Variants in TUSC3 observed in about 807,000 individuals in gnomAD.
TUSC3 encodes tumor suppressor candidate 3.
Under a neutral mutation model 44.8 loss-of-function variants are expected in TUSC3, and 45 were observed. The observed-to-expected ratio is 1.00, with a 90% confidence interval of 0.79 to 1.29. The LOEUF is 1.29. Among genes scored for constraint, TUSC3 ranks in the 50% most tolerant of loss-of-function variants. The pLI, the probability that TUSC3 is intolerant of heterozygous loss-of-function variation, is 0.00. For missense variants in TUSC3, 519 were observed against 437.9 expected, an observed-to-expected ratio of 1.19 and a Z score of -1.65; for synonymous variants, 212 against 152.9, an observed-to-expected ratio of 1.39 and a Z score of -2.85.
chr8:15,695,437 G>A (rs1271557620), intron 6 of TUSC3, among the ~76,000 whole-genome samples: 3 of 152,164 alleles, frequency 2.0e-5, no homozygotes, highest in Admixed American at 6.5e-5. Flanking sequence ...CCAGTCACAT[G>A]GAACTGTAAG....
intron 1 of TUSC3, among the ~76,000 whole-genome samples, chr8:15,616,953 C>T (rs1024379199): frequency 1.3e-5 from 2 of 152,132 alleles, no homozygotes; most frequent in Non-Finnish European, 2.9e-5. Flanking sequence ...GCAGAATGAG[C>T]CCAGCAAAGC....
chr8:15,506,225 T>G (rs926214231), intron 2 of TUSC3, among the ~76,000 whole-genome samples: 17 of 152,132 alleles, frequency 1.1e-4, no homozygotes, highest in African/African-American at 3.9e-4. Flanking sequence ...CAAAAGTTTT[T>G]CTCTGAGCTT....
intron 1 of TUSC3, among the ~76,000 whole-genome samples, chr8:15,611,785 G>A (rs1038679923): frequency 3.3e-5 from 5 of 151,962 alleles, no homozygotes; most frequent in Non-Finnish European, 7.4e-5. Flanking sequence ...TGATTTTTTG[G>A]TTCCTAGAAG....
At chr8:15,608,395 A>G (rs1014238368) in intron 1 of TUSC3, among the ~76,000 whole-genome samples, 2 of 152,156 alleles carry the variant, frequency 1.3e-5, no homozygotes, top group African/African-American at 4.8e-5. Flanking sequence ...GATAAATTGA[A>G]CAATAGTAGG....
At chr8:15,660,291 C>T (rs1807359823) in intron 4 of TUSC3, among the ~76,000 whole-genome samples, 1 of 151,776 alleles carries the variant, frequency 6.6e-6, no homozygotes, top group South Asian at 2.1e-4. Flanking sequence ...AAATGATTTA[C>T]AAGAATATTT....
At chr8:15,693,471 A>G (rs865878709) in intron 6 of TUSC3, among the ~76,000 whole-genome samples, 2 of 138,252 alleles carry the variant, frequency 1.4e-5, no homozygotes, top group South Asian at 2.3e-4. Context: ...TTTTTAAAGA[A>G]TGCTGAATAT....
At chr8:15,550,623 A>G (rs182950787) in intron 1 of TUSC3, among the ~76,000 whole-genome samples, 4 of 151,154 alleles carry the variant, frequency 2.6e-5, no homozygotes, top group African/African-American at 4.9e-5. Flanking sequence ...CATTACTATC[A>G]TGATTCTTTC....
intron 1 of TUSC3, among the ~76,000 whole-genome samples, chr8:15,581,839 G>C (rs1156784239): frequency 8.3e-6 from 1 of 120,336 alleles, no homozygotes; most frequent in Admixed American, 7.9e-5. Context: ...GCTGTGGTGG[G>C]CTCCACCCAG....
At chr8:15,806,954 G>C in the TUSC3 span, 3 of 1,465,156 alleles carry the variant, frequency 2.0e-6, no homozygotes, top group Non-Finnish European at 2.9e-6. Context: ...TAACTCTCGT[G>C]TTCATCAATC....
chr8:15,618,629 G>T (rs1805100681), intron 1 of TUSC3, among the ~76,000 whole-genome samples: 1 of 152,140 alleles, frequency 6.6e-6, no homozygotes, highest in Non-Finnish European at 1.5e-5. Flanking sequence ...TGAGGCTGTT[G>T]TACAGTTAAC....
intron 1 of TUSC3, among the ~76,000 whole-genome samples, chr8:15,561,959 A>T (rs77795606): frequency 6.6e-6 from 1 of 152,090 alleles, no homozygotes; most frequent in Non-Finnish European, 1.5e-5. Context: ...AGAAATCACC[A>T]TCTTCTGCGT....
chr8:15,645,692 T>C (rs1279480534), intron 2 of TUSC3, among the ~76,000 whole-genome samples: 2 of 152,138 alleles, frequency 1.3e-5, no homozygotes, highest in Admixed American at 1.3e-4. Flanking sequence ...GAAATTGTCA[T>C]TACTAATAGG....
the TUSC3 span, among the ~76,000 whole-genome samples, chr8:15,798,463 T>C: frequency 5.3e-3 from 809 of 152,208 alleles, 7 homozygotes; most frequent in African/African-American, 0.018. Flanking sequence ...CCACCTCTAA[T>C]CTTCTGTCTC....
At chr8:15,770,724 G>A (rs1278716765), downstream of TUSC3, among the ~76,000 whole-genome samples, 1 of 152,118 alleles carries the variant, frequency 6.6e-6, no homozygotes, top group Non-Finnish European at 1.5e-5. Flanking sequence ...GTCAGTTGTT[G>A]AAATGATCCA....
chr8:15,534,073 T>C (rs1339493711), intron 2 of TUSC3, among the ~76,000 whole-genome samples: 2 of 152,176 alleles, frequency 1.3e-5, no homozygotes, highest in Non-Finnish European at 2.9e-5. Context: ...TTTGTCAGGA[T>C]CAACATGAGT....
chr8:15,499,315 G>A (rs530357995), intron 2 of TUSC3, among the ~76,000 whole-genome samples: 1 of 152,184 alleles, frequency 6.6e-6, no homozygotes, highest in African/African-American at 2.4e-5. Flanking sequence ...ACAGGTCAAA[G>A]TGTGCTTTTA....
chr8:15,610,745 G>C (rs76024889), intron 1 of TUSC3, among the ~76,000 whole-genome samples: 1 of 152,062 alleles, frequency 6.6e-6, no homozygotes, highest in African/African-American at 2.4e-5. Flanking sequence ...ATATTAGAGC[G>C]TAAAAGTTTT....
chr8:15,596,925 T>C (rs1461930613), intron 1 of TUSC3, among the ~76,000 whole-genome samples: 3 of 152,178 alleles, frequency 2.0e-5, no homozygotes, highest in African/African-American at 4.8e-5. Context: ...CTGTGATAGA[T>C]ACTGTGTAGC....
intron 1 of TUSC3, among the ~76,000 whole-genome samples, chr8:15,464,303 G>A (rs1800387276): frequency 6.6e-6 from 1 of 152,156 alleles, no homozygotes; most frequent in African/African-American, 2.4e-5. Context: ...ATGAATCCAA[G>A]CCCTGAGCAC....
Sources: allele counts gnomAD v4.1 joint callset (sites outside exome capture counted in the v4.1 genomes callset), GRCh38; gene constraint gnomAD v4.1.1; transcripts MANE v1.5; gene names NCBI Gene and HGNC (gene_info 2026-07-23, HGNC 2026-07-21).